CALN1: variants seen among roughly 807,000 people sequenced by gnomAD.
CALN1 encodes the protein calcium-binding protein 8.
Under a neutral mutation model 30.6 loss-of-function variants are expected in CALN1, and 17 were observed. The ratio of observed to expected loss-of-function variants is 0.56; its 90% CI spans 0.38 to 0.83. The LOEUF (loss-of-function observed/expected upper bound fraction) is 0.83. Among genes scored for constraint, CALN1 ranks in the 40% least tolerant of loss-of-function variants. CALN1 has a pLI of 0.00. For missense variants in CALN1, 291 were observed against 354.9 expected (o/e 0.82, Z 1.45); for synonymous variants, 156 against 131.4 (o/e 1.19, Z -1.28).
chr7:72,336,791 G>A (rs1397586419), intron 2 of CALN1: 12 of 984,976 alleles, frequency 1.2e-5, no homozygotes, highest in Non-Finnish European at 1.4e-5. Flanking sequence ...CAGGGAGGGG[G>A]CGGTGCGGAA....
intron 5 of CALN1, among the ~76,000 whole-genome samples, chr7:71,905,746 A>G (rs1050594245): frequency 1.3e-5 from 2 of 152,114 alleles, no homozygotes; most frequent in Non-Finnish European, 2.9e-5. Flanking sequence ...TGAAAAATGC[A>G]TCATTATAAA....
At chr7:72,447,298 G>C (rs556049241), upstream of CALN1, 1 of 152,912 alleles carries the variant, frequency 6.5e-6, no homozygotes, top group East Asian at 1.9e-4. Context: ...CCTGCTGCTG[G>C]GAAAGCTTCC....
intron 5 of CALN1, among the ~76,000 whole-genome samples, chr7:71,991,056 GGTCGACAAA>G (rs1017146343): frequency 8.7e-5 from 13 of 149,850 alleles, no homozygotes; most frequent in African/African-American, 3.2e-4. Context: ...TGAGGGGGGG[GGTCGACAAA>G]TATGAAGGAA....
At chr7:72,304,613 C>T (rs564816103) in intron 2 of CALN1, among the ~76,000 whole-genome samples, 2 of 152,278 alleles carry the variant, frequency 1.3e-5, no homozygotes, top group South Asian at 4.1e-4. Context: ...CTGCCAGCGT[C>T]TCTTTTACGT....
intron 2 of CALN1, among the ~76,000 whole-genome samples, chr7:72,348,558 A>G (rs1217759721): frequency 6.6e-6 from 1 of 152,270 alleles, no homozygotes; most frequent in Non-Finnish European, 1.5e-5. Flanking sequence ...CCATGCCGCT[A>G]GGCAGAGAAC....
intron 4 of CALN1, among the ~76,000 whole-genome samples, chr7:72,074,697 T>G (rs1804618914): frequency 6.6e-6 from 1 of 152,192 alleles, no homozygotes; most frequent in Admixed American, 6.5e-5. Context: ...CTTAAGCCAC[T>G]GCACCTGGCC....
At chr7:71,971,757 G>C (rs768316861) in intron 5 of CALN1, among the ~76,000 whole-genome samples, 6 of 151,190 alleles carry the variant, frequency 4.0e-5, no homozygotes, top group Non-Finnish European at 8.8e-5. Context: ...AATTAGCCAA[G>C]TATGGTAGCA....
intron 3 of CALN1, among the ~76,000 whole-genome samples, chr7:72,228,696 G>A (rs1479986257): frequency 1.3e-5 from 2 of 151,548 alleles, no homozygotes; most frequent in Non-Finnish European, 2.9e-5. Flanking sequence ...TGCAGGGCCT[G>A]GAATACAGCA....
At chr7:72,431,254 A>G (rs1324678558) in intron 1 of CALN1, among the ~76,000 whole-genome samples, 1 of 152,066 alleles carries the variant, frequency 6.6e-6, no homozygotes, top group East Asian at 1.9e-4. Context: ...TCAACCACTA[A>G]TAAAGCTATT....
At chr7:72,336,712 G>A (rs1156745998) in intron 2 of CALN1, 1 of 985,398 alleles carries the variant, frequency 1.0e-6, no homozygotes, top group Non-Finnish European at 1.2e-6. Flanking sequence ...ACCTCTTGCT[G>A]GGCCGGGGCT....
chr7:72,171,404 T>A (rs567817736), intron 3 of CALN1, among the ~76,000 whole-genome samples: 95 of 152,232 alleles, frequency 6.2e-4, no homozygotes, highest in African/African-American at 2.1e-3. Flanking sequence ...AGAGGAGGAC[T>A]GCTTGAGGCA....
Position 71,937,125 on chromosome 7 carries a change from G to A in CALN1, c.501+86532C>T, listed in dbSNP as rs573722811. On this transcript the variant is annotated intron_variant, in intron 5 of 6. Transcript: ENST00000395275. ...TATCTTTCTAATCTATATATCACAC[G>A]TAGGAAACCCTGTCTCTACTAAAAA... is the stretch of plus-strand genomic sequence containing the variant. Among the ~76,000 whole-genome samples, 4 of 152,022 alleles carry A rather than the reference G, an allele frequency of 2.6e-5. No homozygotes were observed. In the South Asian group the frequency reaches 6.2e-4, roughly 24 times the overall value.
intron 2 of CALN1, among the ~76,000 whole-genome samples, chr7:72,354,142 G>A (rs941996625): frequency 3.9e-5 from 6 of 152,126 alleles, no homozygotes; most frequent in South Asian, 2.1e-4. Context: ...AAACGAAATT[G>A]TGCCACTGCA....
chr7:72,246,815 C>T (rs372841378), intron 3 of CALN1, among the ~76,000 whole-genome samples: 2 of 137,374 alleles, frequency 1.5e-5, no homozygotes, highest in African/African-American at 2.7e-5. Flanking sequence ...GGTGCTGTGG[C>T]GCAATCTCAG....
intron 5 of CALN1, among the ~76,000 whole-genome samples, chr7:72,007,457 G>A (rs556998191): frequency 2.0e-5 from 3 of 152,288 alleles, no homozygotes; most frequent in Admixed American, 2.0e-4. Context: ...TGAAGCAGGA[G>A]AATCACTTGA....
intron 3 of CALN1, among the ~76,000 whole-genome samples, chr7:72,261,755 C>A (rs1585295233): frequency 6.6e-6 from 1 of 152,100 alleles, no homozygotes. Context: ...AGGAAAAAAA[C>A]ACCACCACCA....
chr7:72,386,305 T>G (rs546671949), intron 2 of CALN1, among the ~76,000 whole-genome samples: 1 of 152,306 alleles, frequency 6.6e-6, no homozygotes, highest in South Asian at 2.1e-4. Flanking sequence ...CAAATCAATC[T>G]GTGTTACAAA....
intron 3 of CALN1, among the ~76,000 whole-genome samples, chr7:72,131,790 C>T (rs77160527): frequency 0.024 from 3,629 of 152,290 alleles, 156 homozygotes; most frequent in African/African-American, 0.082. Context: ...CCTTCCCACT[C>T]AACCCAACTA....
At chr7:72,151,969 C>A (rs892404938) in intron 3 of CALN1, among the ~76,000 whole-genome samples, 8 of 146,670 alleles carry the variant, frequency 5.5e-5, no homozygotes, top group Non-Finnish European at 1.2e-4. Flanking sequence ...AGTGCAGTGG[C>A]GTGATTTCGG....
Sources: allele counts gnomAD v4.1 joint callset (sites outside exome capture counted in the v4.1 genomes callset), GRCh38; gene constraint gnomAD v4.1.1; transcripts MANE v1.5; gene names NCBI Gene and HGNC (gene_info 2026-07-23, HGNC 2026-07-21).